The following CHD1L variants were observed in gnomAD, a reference collection of about 807,000 sequenced individuals.
CHD1L encodes the protein ATP-dependent chromatin remodeler CHD1L.
Under a neutral mutation model 115.9 loss-of-function variants are expected in CHD1L, and 118 were observed. The observed-to-expected ratio is 1.02, with a 90% CI of 0.88 to 1.19. CHD1L has a LOEUF of 1.19. Among genes scored for constraint, CHD1L ranks in the 50% most tolerant of loss-of-function variants. The probability of loss-of-function intolerance (pLI) is 0.00; values close to 1 mark genes in which losing one functional copy is unlikely to be tolerated. For missense variants in CHD1L, 1,179 were observed against 1,065.3 expected, an observed-to-expected ratio of 1.11 and a Z score of -1.49; for synonymous variants, 411 against 387.1, an observed-to-expected ratio of 1.06 and a Z score of -0.72.
chr1:147,266,935 C>A (rs1311553771), intron 8 of CHD1L, among the ~76,000 whole-genome samples: 1 of 152,158 alleles, frequency 6.6e-6, no homozygotes, highest in Non-Finnish European at 1.5e-5. Flanking sequence ...GGAAAAAACA[C>A]AGAATACATA....
In CHD1L at chr1:147,272,165, G is replaced by C. The variant is rs587698816; in HGVS notation, c.1160-6G>C. On this transcript the variant is annotated splice_region_variant and splice_polypyrimidine_tract_variant and intron_variant, in intron 11 of 22. Transcript: ENST00000369258. ...AAGATTTCTGTTTTTCTTCCTCTCTGTAAAGGCTACAGCTATGAGCGTGTG... is the reference window on the plus strand; with the variant it reads ...AAGATTTCTGTTTTTCTTCCTCTCTCTAAAGGCTACAGCTATGAGCGTGTG... 1.4e-5 allele frequency: 22 copies of C among 1,608,488 alleles called. No individual in the cohort carries two copies. In the East Asian group the frequency reaches 2.0e-4, roughly 15 times the overall value.
At chr1:147,271,488 A>G (rs1322178049) in intron 11 of CHD1L, among the ~76,000 whole-genome samples, 2 of 152,224 alleles carry the variant, frequency 1.3e-5, no homozygotes, top group East Asian at 1.9e-4. Context: ...TCTGTTTAAT[A>G]TGTAATAAGA....
intron 7 of CHD1L, 21 bp from the exon 8 acceptor site, chr1:147,265,911 G>GT: frequency 6.3e-7 from 1 of 1,594,390 alleles, no homozygotes; most frequent in Non-Finnish European, 8.5e-7. Flanking sequence ...CACACTTCTT[G>GT]TATTTTTTTT....
the CHD1L span, chr1:147,209,023 CAAGCCCCT>C: frequency 6.2e-7 from 1 of 1,614,148 alleles, no homozygotes; most frequent in Non-Finnish European, 8.5e-7. Context: ...ATTCAGGATC[CAAGCCCCT>C]CTCCTGGTGC....
chr1:147,272,142 G>A, intron 11 of CHD1L, 29 bp from the exon 12 acceptor site: 1 of 1,579,022 alleles, frequency 6.3e-7, no homozygotes. Context: ...AAAGGGTTAA[G>A]ATTTCTGTTT....
the CHD1L span, chr1:147,203,735 T>C: frequency 6.5e-7 from 1 of 1,535,332 alleles, no homozygotes; most frequent in South Asian, 1.1e-5. Context: ...TGTAAGAACT[T>C]TGAAAGTATT....
intron 1 of CHD1L, 175 bp downstream of exon 1, chr1:147,243,005 G>C (rs966101682): frequency 1.1e-4 from 84 of 779,068 alleles, no homozygotes; most frequent in Non-Finnish European, 1.4e-4. Context: ...TGGTGGCCAC[G>C]GCCCCCGCCT....
the CHD1L span, chr1:147,213,271 A>G: frequency 1.3e-6 from 2 of 1,545,080 alleles, no homozygotes; most frequent in Non-Finnish European, 1.7e-6. Context: ...GGTCACAGGC[A>G]TGGGTCAAGG....
At chr1:147,179,469 A>G in the CHD1L span, 1 of 1,578,964 alleles carries the variant, frequency 6.3e-7, no homozygotes, top group African/African-American at 1.3e-5. Flanking sequence ...TTTTCCTACC[A>G]TATACTTCTC....
In CHD1L at chr1:147,275,442, C is replaced by T; in HGVS notation, c.1359C>T (p.Ala453=). 1 of 1,614,054 alleles carries T rather than the reference C, an allele frequency of 6.2e-7. No individual in the cohort carries two copies. Among genetic ancestry groups the T allele is most frequent in the South Asian group, 1.1e-5 (1 of 91,076 alleles). The change falls in exon 13 of 23, where the codon GCC becomes GCT. Residue 453 remains alanine, a synonymous_variant. Coordinates refer to ENST00000369258, the MANE Select transcript of CHD1L (RefSeq NM_004284.6). The part of the protein sequence containing the change: ...FNPQNDLQAA[A]RAHRIGQNKS... ...CTCAGAATGACTTGCAAGCAGCTGC[C>T]AGGGCTCATCGCATTGGCCAAAACA...
intron 15 of CHD1L, among the ~76,000 whole-genome samples, chr1:147,281,720 C>T (rs1247162123): frequency 2.6e-5 from 4 of 151,680 alleles, no homozygotes; most frequent in Admixed American, 6.6e-5. Context: ...ATATGTATTC[C>T]AGGGAGAATA....
At chr1:147,289,935 C>G (rs587694889) in intron 19 of CHD1L, among the ~76,000 whole-genome samples, 3 of 152,308 alleles carry the variant, frequency 2.0e-5, no homozygotes, top group African/African-American at 7.2e-5. Flanking sequence ...AGAACCTTAT[C>G]TAATGGAATG....
intron 20 of CHD1L, among the ~76,000 whole-genome samples, chr1:147,293,395 G>T (rs994154086): frequency 1.1e-4 from 17 of 151,934 alleles, no homozygotes; most frequent in African/African-American, 4.1e-4. Context: ...AAAAGAAGAA[G>T]AAAACCCTGT....
At chr1:147,291,596 A>T in intron 20 of CHD1L, 44 bp downstream of exon 20, 1 of 1,502,444 alleles carries the variant, frequency 6.7e-7, no homozygotes, top group Non-Finnish European at 9.3e-7. Flanking sequence ...GTGGACTCAC[A>T]TCAACTTCTC....
chr1:147,209,044 A>G, the CHD1L span: 1 of 1,613,460 alleles, frequency 6.2e-7, no homozygotes, highest in Non-Finnish European at 8.5e-7. Flanking sequence ...CCTGGTGCTG[A>G]GGAAAACCTG....
At chr1:147,232,304 A>T in the CHD1L span, among the ~76,000 whole-genome samples, 1 of 152,176 alleles carries the variant, frequency 6.6e-6, no homozygotes, top group African/African-American at 2.4e-5. Flanking sequence ...GTTGGGAAAA[A>T]GCTGAGTGTT....
At chr1:147,261,268 G>C (rs1309476405) in intron 6 of CHD1L, among the ~76,000 whole-genome samples, 1 of 152,138 alleles carries the variant, frequency 6.6e-6, no homozygotes, top group Non-Finnish European at 1.5e-5. Context: ...ATTTATCACC[G>C]TTCTAGAGGC....
At chr1:147,290,923 G>C (rs1264116521) in intron 19 of CHD1L, among the ~76,000 whole-genome samples, 1 of 152,132 alleles carries the variant, frequency 6.6e-6, no homozygotes, top group Non-Finnish European at 1.5e-5. Flanking sequence ...AAAGCACTGG[G>C]ATTATAGTCA....
chr1:147,278,127 T>C (rs1386872059), intron 14 of CHD1L, among the ~76,000 whole-genome samples: 8 of 152,200 alleles, frequency 5.3e-5, no homozygotes, highest in African/African-American at 1.4e-4. Context: ...ATGCAGATGC[T>C]ATGAGTTATT....
Sources: gnomAD v4.1 joint callset for allele counts (sites outside exome capture counted in the v4.1 genomes callset) on GRCh38, gnomAD v4.1.1 for gene constraint, MANE v1.5 for transcripts, NCBI Gene and HGNC (gene_info 2026-07-23, HGNC 2026-07-21) for gene names.